The following CBLB variants were observed in gnomAD, a reference collection of about 807,000 sequenced individuals.
The protein encoded by CBLB is E3 ubiquitin-protein ligase CBL-B.
CBLB carries 31 observed loss-of-function variants against 104.9 expected under a neutral mutation model. The ratio of observed to expected loss-of-function variants is 0.30; its 90% CI spans 0.22 to 0.40. CBLB has a LOEUF of 0.40. CBLB is among the 10% of genes least tolerant of loss of function. The pLI, the probability that CBLB is intolerant of heterozygous loss-of-function variation, is 1.00. For missense variants in CBLB, 1,062 were observed against 1,214.6 expected, an observed-to-expected ratio of 0.87 and a Z score of 1.87; for synonymous variants, 440 against 422.6, an observed-to-expected ratio of 1.04 and a Z score of -0.51.
chr3:105,717,543 C>T (rs1202848693), intron 10 of CBLB, among the ~76,000 whole-genome samples: 1 of 152,114 alleles, frequency 6.6e-6, no homozygotes, highest in Non-Finnish European at 1.5e-5. Context: ...TTTTAACTTG[C>T]AGTAAAAAGG....
rs144666522 is a variant in CBLB at position 105,809,468 on chromosome 3, C to T, written c.420-32926G>A. On this transcript the variant is annotated intron_variant, in intron 3 of 18. Transcript: ENST00000394030. The stretch of plus-strand genomic sequence containing the variant: ...GATGCTCCCATCACAGAGCCAGCCA[C>T]TCATGAGTCTACAAACAGCACCTTG... Among the ~76,000 whole-genome samples the T allele has an allele frequency of 5.4e-3, 815 of 152,310 alleles. 18 individuals carry two copies. Among genetic ancestry groups the T allele is most frequent in the Admixed American group, 0.034 (524 of 15,296 alleles).
chr3:105,787,259 G>A (rs1441272386), intron 3 of CBLB, among the ~76,000 whole-genome samples: 2 of 152,134 alleles, frequency 1.3e-5, no homozygotes, highest in Non-Finnish European at 2.9e-5. Context: ...CTGAGTGGTG[G>A]TGACAGGACC....
chr3:105,745,139 G>C (rs1228024490), intron 6 of CBLB, among the ~76,000 whole-genome samples: 1 of 152,118 alleles, frequency 6.6e-6, no homozygotes, highest in Non-Finnish European at 1.5e-5. Context: ...TGACAAGCAG[G>C]TCTCTAATAT....
rs138748034 is a variant in CBLB, at chr3:105,659,215, G to C, written c.2704C>G (p.Pro902Ala). The C allele has an allele frequency of 1.2e-6, 2 of 1,613,902 alleles. No individual in the cohort carries two copies. The highest frequency in any genetic ancestry group is 1.7e-6 in the Non-Finnish European group (2 of 1,179,884). ...GGTCGTGGTTTAGGGGGTCTGGCTG[G>C]TGCCTGTGAACCATCTGTGTAGATT... is the stretch of plus-strand genomic sequence containing the variant. The part of the protein sequence containing the change: ...LPSCSDGSQA[P>A]ARPPKPRPRR... Residue 902 changes from proline to alanine, a missense_variant, in exon 19 of 19, where the codon CCA becomes GCA. Physicochemically the swap from Pro to Ala is conservative, Grantham distance 27. Transcript: ENST00000394030.
In CBLB at chr3:105,795,318, G is replaced by C. The variant is rs908952912; in HGVS notation, c.420-18776C>G. ...AAAGTACAACAATATGCAGCAATAAGGATGAATCTCACCATCATAATGTTG... is the reference window on the plus strand; with the variant it reads ...AAAGTACAACAATATGCAGCAATAACGATGAATCTCACCATCATAATGTTG... On this transcript the variant is annotated intron_variant, in intron 3 of 18. Coordinates refer to ENST00000394030, the MANE Select transcript of CBLB (RefSeq NM_170662.5). 2.6e-5 allele frequency among the ~76,000 whole-genome samples: 4 copies of C among 152,046 alleles called. No individual in the cohort carries two copies. In the East Asian group the frequency reaches 7.7e-4, roughly 29 times the overall value.
intron 14 of CBLB, 98 bp downstream of exon 14, chr3:105,685,222 G>C (rs2066859870): frequency 1.9e-6 from 2 of 1,064,108 alleles, no homozygotes; most frequent in East Asian, 4.8e-5. Context: ...GGAAATTAAG[G>C]ATTTTTAATT....
intron 3 of CBLB, among the ~76,000 whole-genome samples, chr3:105,785,698 G>GA (rs2080900889): frequency 6.6e-6 from 1 of 152,062 alleles, no homozygotes; most frequent in South Asian, 2.1e-4. Flanking sequence ...ACCAAAGGAG[G>GA]AAAAAAGTCA....
At chr3:105,814,714 C>T (rs897415784) in intron 3 of CBLB, among the ~76,000 whole-genome samples, 1 of 152,124 alleles carries the variant, frequency 6.6e-6, no homozygotes, top group Admixed American at 6.5e-5. Flanking sequence ...TTAGGACCGT[C>T]CTCATTACCA....
intron 4 of CBLB, among the ~76,000 whole-genome samples, chr3:105,767,432 A>G (rs2078344127): frequency 6.6e-6 from 1 of 152,142 alleles, no homozygotes; most frequent in African/African-American, 2.4e-5. Context: ...GAAATCAATC[A>G]TAGAGGCAAT....
chr3:105,705,515 G>A (rs775817749), intron 10 of CBLB, among the ~76,000 whole-genome samples: 7 of 152,122 alleles, frequency 4.6e-5, no homozygotes, highest in Non-Finnish European at 1.0e-4. Flanking sequence ...TAAAGTACTG[G>A]TTAGAGATTA....
intron 6 of CBLB, among the ~76,000 whole-genome samples, chr3:105,744,024 T>C (rs2075874124): frequency 6.6e-6 from 1 of 152,190 alleles, no homozygotes; most frequent in Non-Finnish European, 1.5e-5. Context: ...AATGTATATA[T>C]TGTACACATT....
intron 12 of CBLB, among the ~76,000 whole-genome samples, chr3:105,694,112 T>C (rs757135618): frequency 7.2e-5 from 11 of 152,134 alleles, no homozygotes; most frequent in South Asian, 6.2e-4. Flanking sequence ...TCTGTGCTAA[T>C]GATAACTAGA....
chr3:105,835,152 G>A (rs1000016339), intron 3 of CBLB, among the ~76,000 whole-genome samples: 7 of 152,090 alleles, frequency 4.6e-5, no homozygotes, highest in Non-Finnish European at 5.9e-5. Flanking sequence ...GGTGAAAAGC[G>A]GCATGTAATG....
chr3:105,867,318 T>C (rs1201683031), intron 2 of CBLB, 92 bp downstream of exon 2: 15 of 1,113,886 alleles, frequency 1.3e-5, no homozygotes, highest in Non-Finnish European at 1.8e-5. Context: ...GCCATAACAA[T>C]GGTTGGTATT....
chr3:105,793,241 G>A (rs1222188822), intron 3 of CBLB, among the ~76,000 whole-genome samples: 1 of 151,986 alleles, frequency 6.6e-6, no homozygotes, highest in Admixed American at 6.6e-5. Context: ...AGGAAATGCC[G>A]CTACATTCTG....
At chr3:105,791,439 C>T (rs1399769839) in intron 3 of CBLB, among the ~76,000 whole-genome samples, 1 of 147,714 alleles carries the variant, frequency 6.8e-6, no homozygotes, top group Non-Finnish European at 1.5e-5. Flanking sequence ...GAAATATATC[C>T]TTTATTCATG....
At chr3:105,811,772 C>T (rs2084337355) in intron 3 of CBLB, among the ~76,000 whole-genome samples, 2 of 151,878 alleles carry the variant, frequency 1.3e-5, no homozygotes, top group South Asian at 2.1e-4. Flanking sequence ...TGCAACGGCA[C>T]GAACCCGGCT....
At chr3:105,816,723 A>G (rs2085108782) in intron 3 of CBLB, among the ~76,000 whole-genome samples, 1 of 152,194 alleles carries the variant, frequency 6.6e-6, no homozygotes, top group African/African-American at 2.4e-5. Flanking sequence ...CTCTATTTGA[A>G]AGTTGAAGTA....
At chr3:105,820,560 C>A (rs1313510760) in intron 3 of CBLB, among the ~76,000 whole-genome samples, 1 of 152,184 alleles carries the variant, frequency 6.6e-6, no homozygotes, top group Non-Finnish European at 1.5e-5. Flanking sequence ...GCCACTCATT[C>A]CTTCTTTGTT....
Sources: gnomAD v4.1 joint callset for allele counts (sites outside exome capture counted in the v4.1 genomes callset) on GRCh38, gnomAD v4.1.1 for gene constraint, MANE v1.5 for transcripts, NCBI Gene and HGNC (gene_info 2026-07-23, HGNC 2026-07-21) for gene names.